Variants in RTL4 observed in about 807,000 individuals in gnomAD.
RTL4 encodes retrotransposon Gag-like protein 4.
A neutral mutation model predicts 5.3 loss-of-function variants in RTL4; 4 were observed. The ratio of observed to expected loss-of-function variants is 0.75; its 90% confidence interval spans 0.37 to 1.72. The LOEUF (loss-of-function observed/expected upper bound fraction) is 1.72, where lower values mean the gene tolerates loss of function less well. Ranked by LOEUF, RTL4 falls within the 40% of genes most tolerant of loss-of-function variation. The pLI is 0.04. For synonymous variants in RTL4, 98 were observed against 87.3 expected, an observed-to-expected ratio of 1.12 and a Z score of -0.68; for missense variants, 260 against 227.1, an observed-to-expected ratio of 1.14 and a Z score of -0.93.
At chrX:112,182,691 A>C in the RTL4 span, among the ~76,000 whole-genome samples, 1 of 112,388 alleles carries the variant, frequency 8.9e-6, no homozygotes, top group East Asian at 2.8e-4. Context: ...CCTACATTTG[A>C]TTGGTATACC....
chrX:112,414,451 G>A, the RTL4 span, among the ~76,000 whole-genome samples: 1 of 111,219 alleles, frequency 9.0e-6, no homozygotes, highest in South Asian at 3.7e-4. Context: ...CTCTTGTATT[G>A]CTTTTACAGT....
chrX:112,137,817 C>G, the RTL4 span, among the ~76,000 whole-genome samples: 3 of 110,866 alleles, frequency 2.7e-5, no homozygotes, highest in African/African-American at 9.8e-5. Context: ...TTGTTCCAGC[C>G]AATATTGAGA....
the RTL4 span, among the ~76,000 whole-genome samples, chrX:112,144,634 G>A: frequency 2.7e-5 from 3 of 111,248 alleles, no homozygotes; most frequent in Non-Finnish European, 5.7e-5. Context: ...CCTGGGACTT[G>A]CTCCGGATTA....
At chrX:112,371,771 C>T in the RTL4 span, among the ~76,000 whole-genome samples, 1 of 111,479 alleles carries the variant, frequency 9.0e-6, no homozygotes, top group African/African-American at 3.3e-5. Context: ...TTTAAAGGCA[C>T]TTTGAAACCC....
chrX:112,323,394 CT>C, the RTL4 span, among the ~76,000 whole-genome samples: 1 of 111,160 alleles, frequency 9.0e-6, no homozygotes, highest in Non-Finnish European at 1.9e-5. Context: ...AACCTTGTGT[CT>C]TTTATCAGCA....
chrX:112,373,853 G>A, the RTL4 span, among the ~76,000 whole-genome samples: 1 of 110,513 alleles, frequency 9.0e-6, no homozygotes, highest in Non-Finnish European at 1.9e-5. Flanking sequence ...GTCTTTTCTA[G>A]AGATTCACAT....
chrX:112,232,457 C>T, the RTL4 span, among the ~76,000 whole-genome samples: 1 of 112,005 alleles, frequency 8.9e-6, no homozygotes, highest in Non-Finnish European at 1.9e-5. Context: ...AGTTATTAGA[C>T]CCATTTTCTG....
At chrX:112,338,590 G>A in the RTL4 span, among the ~76,000 whole-genome samples, 1 of 111,611 alleles carries the variant, frequency 9.0e-6, no homozygotes, top group Non-Finnish European at 1.9e-5. Flanking sequence ...TTAATTATTT[G>A]AGCATGATAT....
chrX:112,083,990 G>A, the RTL4 span, among the ~76,000 whole-genome samples: 1 of 110,555 alleles, frequency 9.0e-6, no homozygotes, highest in Non-Finnish European at 1.9e-5. Context: ...CTTTCTGGAC[G>A]CCGGGCTGGT....
the RTL4 span, among the ~76,000 whole-genome samples, chrX:112,277,665 G>GCTGT: frequency 9.0e-6 from 1 of 111,529 alleles, no homozygotes; most frequent in Non-Finnish European, 1.9e-5. Context: ...TTGATTGAAA[G>GCTGT]CTGTTTAAAA....
chrX:112,272,014 C>T, the RTL4 span, among the ~76,000 whole-genome samples: 1 of 111,910 alleles, frequency 8.9e-6, no homozygotes, highest in African/African-American at 3.2e-5. Context: ...ACATAGTTAC[C>T]ATTTGTGTGT....
chrX:112,308,351 A>T, the RTL4 span, among the ~76,000 whole-genome samples: 631 of 111,838 alleles, frequency 5.6e-3, 6 homozygotes, highest in African/African-American at 0.019. Context: ...GGATCTTCCC[A>T]CTACCCTAAT....
the RTL4 span, among the ~76,000 whole-genome samples, chrX:112,104,371 T>G: frequency 8.9e-6 from 1 of 112,417 alleles, no homozygotes; most frequent in Admixed American, 9.4e-5. Flanking sequence ...GGAGTGGAGA[T>G]AGCTCTTCAG....
the RTL4 span, among the ~76,000 whole-genome samples, chrX:112,315,483 T>C: frequency 8.9e-6 from 1 of 111,732 alleles, no homozygotes; most frequent in Non-Finnish European, 1.9e-5. Flanking sequence ...TCTGCCGTTT[T>C]CTTTTAAAAA....
the RTL4 span, among the ~76,000 whole-genome samples, chrX:112,337,798 A>G: frequency 1.8e-5 from 2 of 111,029 alleles, no homozygotes; most frequent in Non-Finnish European, 1.9e-5. Flanking sequence ...ATTTCAGTAG[A>G]TGGCATGTCC....
At chrX:112,437,331 A>C in the RTL4 span, among the ~76,000 whole-genome samples, 1 of 111,986 alleles carries the variant, frequency 8.9e-6, no homozygotes, top group African/African-American at 3.2e-5. Flanking sequence ...AAGAAGAATA[A>C]ATTTGATTTT....
the RTL4 span, among the ~76,000 whole-genome samples, chrX:112,167,093 A>G: frequency 9.0e-6 from 1 of 111,655 alleles, no homozygotes; most frequent in Non-Finnish European, 1.9e-5. Flanking sequence ...TCCTTAAAGC[A>G]AAAAATGGAC....
the RTL4 span, among the ~76,000 whole-genome samples, chrX:112,085,255 C>A: frequency 8.9e-6 from 1 of 112,360 alleles, no homozygotes; most frequent in East Asian, 2.8e-4. Flanking sequence ...AAAATGGAAG[C>A]CACTATCTGA....
the RTL4 span, among the ~76,000 whole-genome samples, chrX:112,183,909 T>C: frequency 8.9e-6 from 1 of 111,755 alleles, no homozygotes; most frequent in Non-Finnish European, 1.9e-5. Flanking sequence ...GTCTTTGCTA[T>C]TGTGAATATT....
Sources: gnomAD v4.1 joint callset for allele counts (sites outside exome capture counted in the v4.1 genomes callset) on GRCh38, gnomAD v4.1.1 for gene constraint, MANE v1.5 for transcripts, NCBI Gene and HGNC (gene_info 2026-07-23, HGNC 2026-07-21) for gene names.